NOTCH1: variants seen among roughly 807,000 people sequenced by gnomAD.
NOTCH1 encodes the protein notch receptor 1.
In NOTCH1, 37 loss-of-function variants were observed where a neutral mutation model predicts 254.8. The ratio of observed to expected loss-of-function variants is 0.15; its 90% confidence interval spans 0.11 to 0.19. NOTCH1 has a LOEUF of 0.19. Ranked by LOEUF, NOTCH1 falls within the 10% of genes least tolerant of loss-of-function variation. The probability of loss-of-function intolerance (pLI) is 1.00; values close to 1 mark genes in which losing one functional copy is unlikely to be tolerated. For synonymous variants in NOTCH1, 1,731 were observed against 1,618.1 expected, an observed-to-expected ratio of 1.07 and a Z score of -1.68; for missense variants, 2,972 against 3,708.6, an observed-to-expected ratio of 0.80 and a Z score of 5.16.
chr9:136,504,744 C>T lies in NOTCH1; in HGVS notation c.4947G>A (p.Lys1649=). ...CGCTGCCACCAGGGAGCAGCGAGGCCTTCACCTGGCCCAGCAGGGCGTCAG... is the reference window on the plus strand; with the variant it reads ...CGCTGCCACCAGGGAGCAGCGAGGCTTTCACCTGGCCCAGCAGGGCGTCAG... ...AAPDALLGQV[K]ASLLPGGSEG... Residue 1649 remains lysine (K), a synonymous_variant, in exon 26 of 34, where the codon AAG becomes AAA. Coordinates refer to ENST00000651671, the MANE Select transcript of NOTCH1 (RefSeq NM_017617.5). 1.3e-6 allele frequency: 2 copies of T among 1,546,724 alleles called. No individual in the cohort carries two copies. The highest frequency in any genetic ancestry group is 2.4e-5 in the South Asian group (2 of 83,972).
At position 136,496,487 on chromosome 9, in the gene NOTCH1, G is replaced by A; in HGVS notation, c.7252C>T (p.His2418Tyr). 1.9e-6 allele frequency: 3 copies of A among 1,601,692 alleles called. No individual in the cohort carries two copies. The highest frequency in any genetic ancestry group is 1.1e-5 in the South Asian group (1 of 91,086). ...LQPPPPPPQP[H>Y]LGVSSAASGH... ...CTGGCTGCTGAGCTCACGCCAAGGT[G>A]CGGCTGTGGTGGTGGTGGTGGCGGC... is the stretch of plus-strand genomic sequence containing the variant. Residue 2418 changes from histidine to tyrosine, a missense_variant, in exon 34 of 34, where the codon CAC becomes TAC. His to Tyr is a moderately conservative substitution (Grantham distance 83, BLOSUM62 2). Around this residue, in one of 8 missense-constraint regions of NOTCH1, gnomAD observed 529 missense variants for 529.2 expected, o/e 1.00. Coordinates refer to ENST00000651671, the MANE Select transcript of NOTCH1 (RefSeq NM_017617.5).
rs1554728783 is a variant in NOTCH1, at chr9:136,510,727, C to T, written c.2666G>A (p.Gly889Asp). The T allele has an allele frequency of 1.9e-6, 3 of 1,610,556 alleles. No individual in the cohort carries two copies. In the Middle Eastern group the frequency reaches 5.0e-4, roughly 266 times the overall value. ...RHGASCQNTH[G>D]GYRCHCQAGY... ...GGCCTGGCAGTGGCAGCGGTAGCCG[C>T]CGTGGGTGTTCTGGCAGGATGCGCC... Residue 889 changes from glycine (G) to aspartate (D), a missense_variant, in exon 17 of 34, where the codon GGC becomes GAC. Gly to Asp is a moderately conservative substitution (Grantham distance 94). Around this residue, in one of 8 missense-constraint regions of NOTCH1, gnomAD observed 1,343 missense variants for 1,557.0 expected, o/e 0.86. Coordinates refer to ENST00000651671, the MANE Select transcript of NOTCH1 (RefSeq NM_017617.5).
At chr9:136,544,216 T>C in intron 1 of NOTCH1, 114 bp from the exon 2 acceptor site, 1 of 955,472 alleles carries the variant, frequency 1.0e-6, no homozygotes, top group South Asian at 1.4e-5. Context: ...GTCCGCCCCC[T>C]ACCCCGGACG....
At chr9:136,543,109 G>A (rs1418849548) in intron 2 of NOTCH1, 1 of 157,130 alleles carries the variant, frequency 6.4e-6, no homozygotes, top group Non-Finnish European at 1.4e-5. Context: ...CAAAACATGA[G>A]TTCCACCTTC....
At position 136,508,464 on chromosome 9, in the gene NOTCH1, G is replaced by GGCC. The variant is rs1843125456; in HGVS notation, c.3172-82_3172-80dup. Reference sequence around the variant, plus strand: ...AGCTCAGAACGCACATCTGCCAAGGGGCCTACTCCAACCCAGGCTGCAACC... The same window carrying GGCC: ...AGCTCAGAACGCACATCTGCCAAGGGGCCGCCTACTCCAACCCAGGCTGCAACC... On this transcript the variant is annotated intron_variant, in intron 19 of 33. Transcript: ENST00000651671. 3.8e-6 allele frequency: 6 copies of GGCC among 1,592,296 alleles called. No homozygotes were observed. The Admixed American group carries it at 1.0e-4, about 27-fold the overall frequency.
intron 26 of NOTCH1, 94 bp downstream of exon 26, chr9:136,504,579 C>T: frequency 1.5e-6 from 2 of 1,315,216 alleles, no homozygotes; most frequent in Non-Finnish European, 1.0e-6. Context: ...GAGAGTACTG[C>T]TTGCCATGGC....
At position 136,504,279 on chromosome 9, in the gene NOTCH1, C is replaced by T. The variant is rs1210796740; in HGVS notation, c.5018+394G>A. Among the ~76,000 whole-genome samples the T allele has an allele frequency of 3.9e-5, 6 of 152,338 alleles. No individual in the cohort carries two copies. The South Asian group carries it at 6.2e-4, about 16-fold the overall frequency. ...CTCGAACTCCTGGGCTCAAGGGCTCCGCCTGCCTCAGCCTCCCAAAGTGCT... is the reference window on the plus strand; with the variant it reads ...CTCGAACTCCTGGGCTCAAGGGCTCTGCCTGCCTCAGCCTCCCAAAGTGCT... On this transcript the variant is annotated intron_variant, in intron 26 of 33. Transcript: ENST00000651671.
At position 136,506,633 on chromosome 9, in the gene NOTCH1, C is replaced by T. The variant is rs768775024; in HGVS notation, c.3908G>A (p.Arg1303His). The stretch of plus-strand genomic sequence containing the variant: ...GCAGCCATTGATGACGGACTCGCAG[C>T]GGCGCCCTAGGGGTAAGAGCAGGGC... Reference protein sequence around the residue: ...CECRAGHTGRRCESVINGCKG... With the variant: ...CECRAGHTGRHCESVINGCKG... Residue 1303 changes from arginine (R) to histidine (H), a missense_variant, in exon 24 of 34, where the codon CGC (arginine) becomes CAC (histidine). By Grantham distance (29) the Arg-to-His change is conservative. Around this residue, in one of 8 missense-constraint regions of NOTCH1, gnomAD observed 1,343 missense variants for 1,557.0 expected, o/e 0.86. Transcript: ENST00000651671. This position sits in a 1 kb window ranked among gnomAD's most constrained non-coding sequence, Gnocchi z 4.5. 1.3e-5 allele frequency: 21 copies of T among 1,606,752 alleles called. No individual in the cohort carries two copies. In the Admixed American group the frequency reaches 2.5e-4, roughly 19 times the overall value.
At position 136,505,118 on chromosome 9, in the gene NOTCH1, G is replaced by C. The variant is rs2133337947; in HGVS notation, c.4587-14C>G. ...TCGTACAGGGGGCTGTGGGGGGCGGGACACGCTCAGGCCGCCTTCCTCGGG... is the reference window on the plus strand; with the variant it reads ...TCGTACAGGGGGCTGTGGGGGGCGGCACACGCTCAGGCCGCCTTCCTCGGG... On this transcript the variant is annotated splice_polypyrimidine_tract_variant and intron_variant, in intron 25 of 33. Coordinates refer to ENST00000651671, the MANE Select transcript of NOTCH1 (RefSeq NM_017617.5). The C allele has an allele frequency of 6.2e-7, 1 of 1,605,168 alleles. No individual in the cohort carries two copies. Among genetic ancestry groups the C allele is most frequent in the Non-Finnish European group, 8.5e-7 (1 of 1,179,000 alleles).
chr9:136,515,592 G>A lies in NOTCH1; in HGVS notation c.1794C>T (p.His598=), dbSNP rs1261287469. 4 of 1,610,258 alleles carry A rather than the reference G, an allele frequency of 2.5e-6. No individual in the cohort carries two copies. Among genetic ancestry groups the A allele is most frequent in the African/African-American group, 2.7e-5 (2 of 75,028 alleles). The change falls in exon 11 of 34, where the codon CAC becomes CAT. Residue 598 remains histidine (H), a synonymous_variant. Coordinates refer to ENST00000651671, the MANE Select transcript of NOTCH1 (RefSeq NM_017617.5). ...TCLCRPGYTG[H]HCETNINECS... Reference sequence around the variant, plus strand: ...ACTCGTTGATGTTGGTCTCGCAGTGGTGGCCCGTGTAGCCTGGGCGGCAGA... The same window carrying A: ...ACTCGTTGATGTTGGTCTCGCAGTGATGGCCCGTGTAGCCTGGGCGGCAGA...
intron 2 of NOTCH1, among the ~76,000 whole-genome samples, chr9:136,529,112 C>T (rs1310102370): frequency 6.6e-6 from 1 of 152,244 alleles, no homozygotes; most frequent in Non-Finnish European, 1.5e-5. Flanking sequence ...GCAAGGCTGA[C>T]CACCTTCTAC....
chr9:136,503,257 C>T lies in NOTCH1; in HGVS notation c.5092G>A (p.Asp1698Asn), dbSNP rs1417478070. Residue 1698 changes from aspartate to asparagine, a missense_variant, in exon 27 of 34, where the codon GAC becomes AAC. Coordinates refer to ENST00000651671, the MANE Select transcript of NOTCH1 (RefSeq NM_017617.5). ...AGCGCTCCCAGGAATGCGGCCACGT[C>T]GGTGGCACTCTGGAAGCACTGCGAG... ...ASSQCFQSAT[D>N]VAAFLGALAS... 8 of 1,612,854 alleles carry T rather than the reference C, an allele frequency of 5.0e-6. No homozygotes were observed. Among genetic ancestry groups the T allele is most frequent in the African/African-American group, 2.7e-5 (2 of 74,922 alleles).
chr9:136,522,224 A>G (rs866986197), intron 4 of NOTCH1, among the ~76,000 whole-genome samples: 27 of 152,008 alleles, frequency 1.8e-4, no homozygotes, highest in Middle Eastern at 3.4e-3. Context: ...TGATCTGCCC[A>G]CCTCGGCCTC....
chr9:136,520,456 T>C (rs563026164), intron 4 of NOTCH1, among the ~76,000 whole-genome samples: 2 of 152,146 alleles, frequency 1.3e-5, no homozygotes, highest in South Asian at 4.1e-4. Flanking sequence ...ACCCCAGCCC[T>C]GGCGCGGTGG....
At position 136,508,020 on chromosome 9, in the gene NOTCH1, A is replaced by G. The variant is rs878957743; in HGVS notation, c.3445T>C (p.Cys1149Arg). 6.2e-7 allele frequency: 1 copy of G among 1,612,436 alleles called. No individual in the cohort carries two copies. Among genetic ancestry groups the G allele is most frequent in the Non-Finnish European group, 8.5e-7 (1 of 1,179,982 alleles). The change falls in exon 21 of 34, where the codon TGC (cysteine) becomes CGC (arginine). Residue 1149 changes from cysteine (C) to arginine (R), a missense_variant. By Grantham distance (180) the Cys-to-Arg change is radical. Around this residue, in one of 8 missense-constraint regions of NOTCH1, gnomAD observed 1,343 missense variants for 1,557.0 expected, o/e 0.86. Transcript: ENST00000651671. ...CCGTTCTGGCAGGGGCTGGGTGAGC[A>G]CTCGTCCACCAGGTCCTCACAGTAG... is the stretch of plus-strand genomic sequence containing the variant. ...GSYCEDLVDECSPSPCQNGAT... is the reference protein window; with the variant it reads ...GSYCEDLVDERSPSPCQNGAT...
intron 2 of NOTCH1, among the ~76,000 whole-genome samples, chr9:136,537,592 A>T (rs551859066): frequency 2.0e-5 from 3 of 152,218 alleles, no homozygotes; most frequent in East Asian, 3.8e-4. Context: ...TTCAAAAGTC[A>T]CATTTTCAGC....
Position 136,502,240 on chromosome 9 carries a change from G to T in NOTCH1, c.5384+32C>A, listed in dbSNP as rs543313862. The stretch of plus-strand genomic sequence containing the variant: ...CTCGGCCAGGTCCCACCTCCCACCG[G>T]GGACCCAGAAGCAGGGGCGGCGTCC... On this transcript the variant is annotated intron_variant, in intron 28 of 33. Coordinates refer to ENST00000651671, the MANE Select transcript of NOTCH1 (RefSeq NM_017617.5). 27 of 1,582,382 alleles carry T rather than the reference G, an allele frequency of 1.7e-5. No homozygotes were observed. In the South Asian group the frequency reaches 2.7e-4, roughly 16 times the overall value.
intron 27 of NOTCH1, 35 bp downstream of exon 27, chr9:136,503,147 G>A (rs2133332992): frequency 2.5e-6 from 4 of 1,612,182 alleles, no homozygotes; most frequent in South Asian, 2.2e-5. Context: ...ACCCCCTGCA[G>A]GCAGAGCCTG....
At chr9:136,517,139 G>A in intron 9 of NOTCH1, 133 bp downstream of exon 9, 2 of 594,306 alleles carry the variant, frequency 3.4e-6, no homozygotes, top group South Asian at 1.9e-5. Flanking sequence ...GGCAGGGGGT[G>A]GGGGCGGCCC....
Sources: gnomAD v4.1 joint callset for allele counts (sites outside exome capture counted in the v4.1 genomes callset) on GRCh38, gnomAD v4.1.1 for gene constraint, gnomAD v4.1.1 regional missense constraint, Gnocchi (gnomAD v3.1) non-coding constraint, MANE v1.5 for transcripts, NCBI Gene and HGNC (gene_info 2026-07-23, HGNC 2026-07-21) for gene names.